Variants in NR2F1-AS1 observed in about 807,000 individuals in gnomAD.
NR2F1-AS1 encodes NR2F1 antisense RNA 1.
At chr5:93,556,501 T>C (rs1424763117) in intron 2 of NR2F1-AS1, among the ~76,000 whole-genome samples, 2 of 152,226 alleles carry the variant, frequency 1.3e-5, no homozygotes, top group Admixed American at 1.3e-4. Flanking sequence ...CAAAATATGT[T>C]ATAGCCTTAA....
chr5:93,442,242 C>A (rs1487044861), intron 4 of NR2F1-AS1, among the ~76,000 whole-genome samples: 1 of 152,174 alleles, frequency 6.6e-6, no homozygotes, highest in East Asian at 1.9e-4. Context: ...CAGGGCGGGG[C>A]ATCACCTCAC....
At chr5:93,500,482 A>G (rs114548716) in intron 4 of NR2F1-AS1, among the ~76,000 whole-genome samples, 2,564 of 152,124 alleles carry the variant, frequency 0.017, 78 homozygotes, top group African/African-American at 0.059. Context: ...AAAAAAAAAG[A>G]TTCCTCTCAA....
At chr5:93,448,714 C>T (rs1194199704) in intron 4 of NR2F1-AS1, among the ~76,000 whole-genome samples, 1 of 152,220 alleles carries the variant, frequency 6.6e-6, no homozygotes, top group Non-Finnish European at 1.5e-5. Context: ...GAAAAGACCA[C>T]TGTTCCAGCT....
intron 1 of NR2F1-AS1, among the ~76,000 whole-genome samples, chr5:93,573,046 C>T (rs1027123945): frequency 1.3e-5 from 2 of 152,202 alleles, no homozygotes; most frequent in Non-Finnish European, 2.9e-5. Context: ...CCTAGACCCG[C>T]GGCCTCAAGC....
chr5:93,519,205 C>T (rs916344130), intron 4 of NR2F1-AS1, among the ~76,000 whole-genome samples: 4 of 151,936 alleles, frequency 2.6e-5, no homozygotes, highest in Non-Finnish European at 5.9e-5. Flanking sequence ...TAACTTTAAA[C>T]CCTAGAAACA....
chr5:93,487,144 T>G (rs1004143200), intron 4 of NR2F1-AS1, among the ~76,000 whole-genome samples: 2 of 152,194 alleles, frequency 1.3e-5, no homozygotes, highest in Non-Finnish European at 2.9e-5. Context: ...AATATCATAC[T>G]GAATGGGCAA....
intron 4 of NR2F1-AS1, among the ~76,000 whole-genome samples, chr5:93,529,589 T>C (rs1006252633): frequency 1.3e-4 from 20 of 152,286 alleles, no homozygotes; most frequent in African/African-American, 4.3e-4. Context: ...TTTAATCATA[T>C]GGTGCCTCAT....
chr5:93,478,867 A>T (rs1395416641), intron 4 of NR2F1-AS1, among the ~76,000 whole-genome samples: 1 of 152,166 alleles, frequency 6.6e-6, no homozygotes, highest in East Asian at 1.9e-4. Context: ...CTCCCATTCA[A>T]TTACCAATGA....
chr5:93,497,473 T>C (rs1055966624), intron 4 of NR2F1-AS1, among the ~76,000 whole-genome samples: 4 of 152,196 alleles, frequency 2.6e-5, no homozygotes, highest in Admixed American at 6.6e-5. Context: ...TTTCAACATG[T>C]GGATGAAAGG....
intron 4 of NR2F1-AS1, among the ~76,000 whole-genome samples, chr5:93,444,635 G>C (rs566453175): frequency 6.6e-6 from 1 of 152,278 alleles, no homozygotes; most frequent in African/African-American, 2.4e-5. Context: ...ACATTAGACA[G>C]ATCAATGAGA....
At position 93,483,467 on chromosome 5, in the gene NR2F1-AS1, G is replaced by A. The variant is rs79862975; in HGVS notation, n.638+70294C>T. ...AGGTCACCAACATCAAAGACCAACA[G>A]CAGATAAATTCATGAAGATAAGGAA... On this transcript the variant is annotated intron_variant and non_coding_transcript_variant, in intron 4 of 5. Coordinates refer to ENST00000660523, the Ensembl canonical transcript of NR2F1-AS1. Among the ~76,000 whole-genome samples, 15 of 152,270 alleles carry A rather than the reference G, an allele frequency of 9.9e-5. No homozygotes were observed. The East Asian group carries it at 2.7e-3, about 27-fold the overall frequency.
chr5:93,523,153 C>T (rs926225394), intron 4 of NR2F1-AS1, among the ~76,000 whole-genome samples: 2 of 152,274 alleles, frequency 1.3e-5, no homozygotes, highest in East Asian at 3.9e-4. Flanking sequence ...GATGCTTGAG[C>T]TTGGTGGGGG....
chr5:93,469,952 C>T (rs1026360708), intron 4 of NR2F1-AS1, among the ~76,000 whole-genome samples: 3 of 151,934 alleles, frequency 2.0e-5, no homozygotes, highest in African/African-American at 7.2e-5. Flanking sequence ...AGTATTAGTA[C>T]AACATATTTA....
intron 4 of NR2F1-AS1, among the ~76,000 whole-genome samples, chr5:93,481,327 T>G (rs763222321): frequency 5.9e-5 from 9 of 152,006 alleles, no homozygotes; most frequent in Non-Finnish European, 1.3e-4. Context: ...ATATAACAAT[T>G]ATAAATGTAT....
At chr5:93,560,472 T>G (rs1306235362) in intron 2 of NR2F1-AS1, among the ~76,000 whole-genome samples, 1 of 152,226 alleles carries the variant, frequency 6.6e-6, no homozygotes, top group African/African-American at 2.4e-5. Flanking sequence ...TCGTTGACAT[T>G]AGTTGGTATG....
At chr5:93,466,509 TA>T (rs1243713847) in intron 4 of NR2F1-AS1, among the ~76,000 whole-genome samples, 2 of 151,708 alleles carry the variant, frequency 1.3e-5, no homozygotes, top group Non-Finnish European at 2.9e-5. Flanking sequence ...GCTAATTTTT[TA>T]TATTTTTAGT....
At chr5:93,464,901 G>A (rs1047225468) in intron 4 of NR2F1-AS1, among the ~76,000 whole-genome samples, 1 of 152,194 alleles carries the variant, frequency 6.6e-6, no homozygotes, top group Non-Finnish European at 1.5e-5. Flanking sequence ...TGGTTCTGCA[G>A]TACTCTTCCA....
chr5:93,567,226 CT>C (rs896792863), intron 1 of NR2F1-AS1, among the ~76,000 whole-genome samples: 28 of 151,214 alleles, frequency 1.9e-4, no homozygotes, highest in Middle Eastern at 3.4e-3. Context: ...TAGACAACAC[CT>C]TTTTTTTTCC....
intron 4 of NR2F1-AS1, among the ~76,000 whole-genome samples, chr5:93,545,537 C>T (rs886583657): frequency 6.6e-6 from 1 of 152,198 alleles, no homozygotes; most frequent in Non-Finnish European, 1.5e-5. Flanking sequence ...ATTCATTTTA[C>T]TCTATGCTAA....
Sources: gnomAD v4.1 joint callset for allele counts (sites outside exome capture counted in the v4.1 genomes callset) on GRCh38, gnomAD v4.1.1 for gene constraint, MANE v1.5 for transcripts, NCBI Gene and HGNC (gene_info 2026-07-23, HGNC 2026-07-21) for gene names.